The following PSMB6 variants were observed in gnomAD, a reference collection of about 807,000 sequenced individuals.
PSMB6 encodes the protein proteasome subunit beta type-6.
A neutral mutation model predicts 28.2 loss-of-function variants in PSMB6; 11 were observed. The observed-to-expected ratio is 0.39, with a 90% CI of 0.25 to 0.65. The LOEUF (loss-of-function observed/expected upper bound fraction) is 0.65, where lower values mean the gene tolerates loss of function less well. PSMB6 is among the 30% of genes least tolerant of loss of function. PSMB6 has a pLI of 0.48. For synonymous variants in PSMB6, 126 were observed against 117.7 expected, an observed-to-expected ratio of 1.07 and a Z score of -0.45; for missense variants, 268 against 319.4, an observed-to-expected ratio of 0.84 and a Z score of 1.23.
rs1905413676 is a variant in PSMB6, at chr17:4,798,441, G to T, written c.*19G>T. 1 of 1,612,976 alleles carries T rather than the reference G, an allele frequency of 6.2e-7. No homozygotes were observed. The highest frequency in any genetic ancestry group is 1.7e-5 in the Admixed American group (1 of 59,884). On this transcript the variant is annotated 3_prime_UTR_variant, in exon 6 of 6. Coordinates refer to ENST00000270586, the MANE Select transcript of PSMB6 (RefSeq NM_002798.3). ...CGCCTGAATCCTGGGATTCTAGTAT[G>T]CAATAAGAGATGCCCTGTACTGATG...
At chr17:4,796,370 TGA>T in intron 1 of PSMB6, 74 bp downstream of exon 1, 2 of 1,219,214 alleles carry the variant, frequency 1.6e-6, no homozygotes, top group Non-Finnish European at 2.3e-6. Flanking sequence ...TGAGTGGGGT[TGA>T]GAGATCTGGC....
chr17:4,796,641 T>C, intron 1 of PSMB6, 87 bp from the exon 2 acceptor site: 1 of 1,264,220 alleles, frequency 7.9e-7, no homozygotes, highest in Non-Finnish European at 1.2e-6. Flanking sequence ...GACGGACAGA[T>C]TTTGTATTTT....
Position 4,797,576 on chromosome 17 carries a change from G to T in PSMB6, c.302+7G>T, listed in dbSNP as rs752780857. 6.3e-7 allele frequency: 1 copy of T among 1,593,220 alleles called. No homozygotes were observed. The highest frequency in any genetic ancestry group is 8.6e-7 in the Non-Finnish European group (1 of 1,166,108). ...ACCAGCTCGGTTTCCACAGGTGCTT[G>T]TGGGCAGGGGAGGGGCAAGTATCTG... On this transcript the variant is annotated splice_region_variant and intron_variant, in intron 3 of 5. Transcript: ENST00000270586.
At chr17:4,797,267 A>C in intron 2 of PSMB6, 171 bp from the exon 3 acceptor site, 3 of 763,774 alleles carry the variant, frequency 3.9e-6, no homozygotes, top group Non-Finnish European at 6.0e-6. Context: ...GTGAGCAGAG[A>C]TCGCGTCACT....
In PSMB6 at chr17:4,796,814, T is replaced by A. The variant is rs781318978; in HGVS notation, c.170+19T>A. On this transcript the variant is annotated intron_variant, in intron 2 of 5. Transcript: ENST00000270586. ...CCACTGGGTGAGCTCAGGACAGATT[T>A]GTGAAAGGTCTTCCCATCTTCCTTT... 5 of 1,567,424 alleles carry A rather than the reference T, an allele frequency of 3.2e-6. No homozygotes were observed. The highest frequency in any genetic ancestry group is 8.8e-7 in the Non-Finnish European group (1 of 1,138,158).
At chr17:4,797,610 T>G in intron 3 of PSMB6, 41 bp downstream of exon 3, 1 of 1,598,694 alleles carries the variant, frequency 6.3e-7, no homozygotes, top group Non-Finnish European at 8.6e-7. Context: ...TGAAGGGAGT[T>G]GGAAGCTGAG....
In PSMB6 at chr17:4,796,794, G is replaced by A; in HGVS notation, c.169G>A (p.Gly57Arg). 3 of 1,595,252 alleles carry A rather than the reference G, an allele frequency of 1.9e-6. No homozygotes were observed. Among genetic ancestry groups the A allele is most frequent in the Non-Finnish European group, 2.6e-6 (3 of 1,162,866 alleles). Residue 57 changes from glycine (G) to arginine (R), a missense_variant and splice_region_variant, in exon 2 of 6, where the codon GGG (glycine) becomes AGG (arginine). Physicochemically the swap from Gly to Arg is moderately radical, Grantham distance 125. Transcript: ENST00000270586. Reference sequence around the variant, plus strand: ...GGGGGCGGACTCCAGAACAACCACTGGGTGAGCTCAGGACAGATTTGTGAA... The same window carrying A: ...GGGGGCGGACTCCAGAACAACCACTAGGTGAGCTCAGGACAGATTTGTGAA... ...VLGADSRTTT[G>R]SYIANRVTDK...
At position 4,798,141 on chromosome 17, in the gene PSMB6, T is replaced by C. The variant is rs199961729; in HGVS notation, c.565T>C (p.Phe189Leu). The change falls in exon 5 of 6, where the codon TTC becomes CTC. Residue 189 changes from phenylalanine to leucine, a missense_variant. By Grantham distance (22) the Phe-to-Leu change is conservative. Coordinates refer to ENST00000270586, the MANE Select transcript of PSMB6 (RefSeq NM_002798.3). ...CATGACCAAGGAAGAGTGTCTGCAA[T>C]TCACTGCCAATGGTGAGAGCTTAGG... ...EGMTKEECLQ[F>L]TANALALAME... is the part of the protein sequence containing the mutation. 101 of 1,614,200 alleles carry C rather than the reference T, an allele frequency of 6.3e-5. No homozygotes were observed. The highest frequency in any genetic ancestry group is 8.5e-5 in the Non-Finnish European group (100 of 1,180,026).
At position 4,797,933 on chromosome 17, in the gene PSMB6, T is replaced by C; in HGVS notation, c.433-76T>C. The C allele has an allele frequency of 1.9e-6, 3 of 1,604,986 alleles. No homozygotes were observed. The South Asian group carries it at 3.3e-5, about 18-fold the overall frequency. On this transcript the variant is annotated intron_variant, in intron 4 of 5. Transcript: ENST00000270586. ...TTACTATTAACGTGCCTCAGACCAA[T>C]AGCAGAATGGACAGGTGAATGTACG...
At chr17:4,796,875 C>CA (rs1183686460) in intron 2 of PSMB6, 80 bp downstream of exon 2, 1 of 1,207,284 alleles carries the variant, frequency 8.3e-7, no homozygotes, top group African/African-American at 1.5e-5. Flanking sequence ...TGCCTGCCTC[C>CA]ACAGACCACT....
intron 3 of PSMB6, 49 bp from the exon 4 acceptor site, chr17:4,797,633 C>T (rs1414745689): frequency 1.2e-6 from 2 of 1,605,460 alleles, no homozygotes; most frequent in Non-Finnish European, 1.7e-6. Context: ...GCTAAATAGC[C>T]TGACTTCTAG....
chr17:4,797,278 G>C, intron 2 of PSMB6, 160 bp from the exon 3 acceptor site: 1 of 876,570 alleles, frequency 1.1e-6, no homozygotes, highest in Admixed American at 2.9e-5. Flanking sequence ...TCGCGTCACT[G>C]TACTCCAGCC....
intron 2 of PSMB6, 70 bp downstream of exon 2, chr17:4,796,865 T>A: frequency 6.0e-6 from 8 of 1,331,552 alleles, no homozygotes; most frequent in Non-Finnish European, 7.5e-6. Context: ...CAGCCCACCC[T>A]GCCTGCCTCC....
intron 2 of PSMB6, chr17:4,797,020 A>G (rs1905349980): frequency 3.6e-6 from 2 of 559,872 alleles, no homozygotes; most frequent in Non-Finnish European, 3.2e-6. Flanking sequence ...GATGAGAATA[A>G]GCAATACTGG....
intron 4 of PSMB6, 91 bp downstream of exon 4, chr17:4,797,902 T>G: frequency 6.2e-7 from 1 of 1,603,396 alleles, no homozygotes; most frequent in South Asian, 1.1e-5. Flanking sequence ...TCTACCTCAC[T>G]TATTCTTACT....
In PSMB6 at chr17:4,798,333, G is replaced by A; in HGVS notation, c.631G>A (p.Ala211Thr). 6.2e-7 allele frequency: 1 copy of A among 1,614,234 alleles called. No individual in the cohort carries two copies. The change falls in exon 6 of 6, where the codon GCA (alanine) becomes ACA (threonine). Residue 211 changes from alanine (A) to threonine (T), a missense_variant. Transcript: ENST00000270586. ...DGSSGGVIRL[A>T]AIAESGVERQ... Reference sequence around the variant, plus strand: ...CTCCAGTGGAGGAGTGATCCGCCTGGCAGCCATTGCAGAGTCAGGGGTAGA... The same window carrying A: ...CTCCAGTGGAGGAGTGATCCGCCTGACAGCCATTGCAGAGTCAGGGGTAGA...
At chr17:4,797,342 G>A (rs1773912283) in intron 2 of PSMB6, 96 bp from the exon 3 acceptor site, 1 of 1,431,120 alleles carries the variant, frequency 7.0e-7, no homozygotes, top group Admixed American at 2.4e-5. Flanking sequence ...AGGCAATACT[G>A]GACATCCTAT....
Position 4,798,361 on chromosome 17 carries a change from G to T in PSMB6, c.659G>T (p.Arg220Leu), listed in dbSNP as rs755217976. 3 of 1,614,206 alleles carry T rather than the reference G, an allele frequency of 1.9e-6. No homozygotes were observed. The highest frequency in any genetic ancestry group is 2.5e-6 in the Non-Finnish European group (3 of 1,180,046). Residue 220 changes from arginine to leucine, a missense_variant, in exon 6 of 6, where the codon CGG becomes CTG. By Grantham distance (102) the Arg-to-Leu change is moderately radical. Transcript: ENST00000270586. ...GCCATTGCAGAGTCAGGGGTAGAGC[G>T]GCAAGTACTTTTGGGAGACCAGATA... is the stretch of plus-strand genomic sequence containing the variant. ...LAAIAESGVE[R>L]QVLLGDQIPK...
intron 1 of PSMB6, 141 bp from the exon 2 acceptor site, chr17:4,796,587 C>A: frequency 2.3e-6 from 2 of 866,490 alleles, no homozygotes; most frequent in Non-Finnish European, 4.0e-6. Flanking sequence ...TTCTGGTATT[C>A]TGCGGGGTGC....
Sources: allele counts gnomAD v4.1 joint callset, GRCh38; gene constraint gnomAD v4.1.1; transcripts MANE v1.5; gene names NCBI Gene and HGNC (gene_info 2026-07-23, HGNC 2026-07-21).